Variants in VKORC1L1 observed in about 807,000 individuals in gnomAD.
The protein encoded by VKORC1L1 is vitamin K epoxide reductase complex subunit 1L1, also known as vitamin K epoxide reductase complex subunit 1-like protein 1.
In VKORC1L1, 2 loss-of-function variants were observed where a neutral mutation model predicts 18.9. The ratio of observed to expected loss-of-function variants is 0.11; its 90% confidence interval spans 0.04 to 0.33. The LOEUF (loss-of-function observed/expected upper bound fraction) is 0.33, where lower values mean the gene tolerates loss of function less well. VKORC1L1 is among the 10% of genes least tolerant of loss of function. The pLI is 1.00. For missense variants in VKORC1L1, 123 were observed against 224.1 expected, an observed-to-expected ratio of 0.55 and a Z score of 2.88; for synonymous variants, 96 against 100.0, an observed-to-expected ratio of 0.96 and a Z score of 0.24.
At chr7:65,917,857 G>A (rs772451382) in intron 1 of VKORC1L1, among the ~76,000 whole-genome samples, 10 of 152,132 alleles carry the variant, frequency 6.6e-5, no homozygotes, top group South Asian at 2.1e-4. Context: ...GAACATGTAC[G>A]CCTAAGTAAG....
Position 65,880,581 on chromosome 7 carries a change from G to C in VKORC1L1, c.194+7016G>C, listed in dbSNP as rs183850292. Among the ~76,000 whole-genome samples, 597 of 152,226 alleles carry C rather than the reference G, an allele frequency of 3.9e-3. 6 individuals carry two copies. The highest frequency in any genetic ancestry group is 0.013 in the African/African-American group (557 of 41,552). On this transcript the variant is annotated intron_variant, in intron 1 of 2. Transcript: ENST00000360768. ...AGCTTTTTCGGAGGGAGGCCTTGTC[G>C]TGTGGACCTGCTGCATATAAAGACA...
chr7:65,883,070 A>G (rs1447917495), intron 1 of VKORC1L1, among the ~76,000 whole-genome samples: 3 of 151,718 alleles, frequency 2.0e-5, no homozygotes, highest in Non-Finnish European at 4.4e-5. Context: ...CCAATCATCC[A>G]TAATTTAAAG....
At chr7:65,900,065 G>A (rs1418943272) in intron 1 of VKORC1L1, among the ~76,000 whole-genome samples, 3 of 72,486 alleles carry the variant, frequency 4.1e-5, no homozygotes, top group Non-Finnish European at 1.2e-4. Context: ...GTGTGTGTGT[G>A]TGTGTGTGTG....
At chr7:65,869,718 A>T (rs1224837697), upstream of VKORC1L1, among the ~76,000 whole-genome samples, 1 of 139,074 alleles carries the variant, frequency 7.2e-6, no homozygotes. Flanking sequence ...TGGCATGATC[A>T]TAGCTCACTG....
intron 1 of VKORC1L1, among the ~76,000 whole-genome samples, chr7:65,938,497 C>T (rs1789983507): frequency 6.6e-6 from 1 of 152,132 alleles, no homozygotes; most frequent in Non-Finnish European, 1.5e-5. Flanking sequence ...TTGAAAGAGC[C>T]CTTCACAGTG....
At chr7:65,874,411 T>G (rs539858975) in intron 1 of VKORC1L1, among the ~76,000 whole-genome samples, 1 of 151,766 alleles carries the variant, frequency 6.6e-6, no homozygotes, top group Non-Finnish European at 1.5e-5. Context: ...TTGGTCAGGC[T>G]GGTCTCGAAC....
intron 1 of VKORC1L1, among the ~76,000 whole-genome samples, chr7:65,875,653 G>A (rs1169570298): frequency 6.6e-6 from 1 of 151,290 alleles, no homozygotes; most frequent in Non-Finnish European, 1.5e-5. Context: ...TCCTGACCTC[G>A]TGATCCGCCC....
chr7:65,873,254 C>CGGT lies in VKORC1L1; in HGVS notation c.-112_-110dup, dbSNP rs1411354468. Reference sequence around the variant, plus strand: ...CAATGGGGCGCGGCGGCGGCGGCGGCGGTGGTGGCGGCGGCGGCGGAGGCG... The same window carrying CGGT: ...CAATGGGGCGCGGCGGCGGCGGCGGCGGTGGTGGTGGCGGCGGCGGCGGAGGCG... On this transcript the variant is annotated 5_prime_UTR_variant, in exon 1 of 3. Coordinates refer to ENST00000360768, the MANE Select transcript of VKORC1L1 (RefSeq NM_173517.6). The CGGT allele has an allele frequency of 2.6e-5, 23 of 888,930 alleles. No individual in the cohort carries two copies. The highest frequency in any genetic ancestry group is 6.4e-5 in the Admixed American group (1 of 15,606). The allele number at this position is 888,930 out of a possible 1,614,324, so 55.1% of individuals were successfully genotyped here.
At chr7:65,879,705 CTCTT>C (rs1158051454) in intron 1 of VKORC1L1, among the ~76,000 whole-genome samples, 1 of 151,448 alleles carries the variant, frequency 6.6e-6, no homozygotes, top group Non-Finnish European at 1.5e-5. Flanking sequence ...TTTCTTTTCT[CTCTT>C]TCTTTTCCTT....
intron 1 of VKORC1L1, among the ~76,000 whole-genome samples, chr7:65,920,146 T>G (rs963934188): frequency 6.6e-6 from 1 of 152,108 alleles, no homozygotes; most frequent in Non-Finnish European, 1.5e-5. Flanking sequence ...CAGCGAGGCC[T>G]CCTCACCTCA....
chr7:65,923,970 C>T (rs750857419), intron 1 of VKORC1L1, among the ~76,000 whole-genome samples: 17 of 152,240 alleles, frequency 1.1e-4, no homozygotes, highest in Admixed American at 2.6e-4. Flanking sequence ...CTAATGGGAT[C>T]GGTCTTGCTA....
chr7:65,909,690 TTGTGTGTGTGTGTGTG>T (rs56074368), intron 1 of VKORC1L1, among the ~76,000 whole-genome samples: 18 of 123,840 alleles, frequency 1.5e-4, no homozygotes, highest in Middle Eastern at 3.9e-3. Flanking sequence ...GTTTTAGCCT[TTGTGTGTGTGTGTGTG>T]TGTGTGTGTG....
intron 1 of VKORC1L1, among the ~76,000 whole-genome samples, chr7:65,873,948 C>T (rs1180659162): frequency 6.6e-6 from 1 of 151,996 alleles, no homozygotes; most frequent in East Asian, 1.9e-4. Context: ...GGGAGGCGGG[C>T]CGGGGGTGTG....
chr7:65,913,504 T>TCACTTGGATC (rs1789536227), intron 1 of VKORC1L1, among the ~76,000 whole-genome samples: 1 of 151,876 alleles, frequency 6.6e-6, no homozygotes, highest in Non-Finnish European at 1.5e-5. Flanking sequence ...GGCAGGTGGA[T>TCACTTGGATC]CACTTGAGGT....
chr7:65,925,151 A>T (rs1477273671), intron 1 of VKORC1L1, among the ~76,000 whole-genome samples: 1 of 152,178 alleles, frequency 6.6e-6, no homozygotes, highest in Non-Finnish European at 1.5e-5. Context: ...TGCTTATTGG[A>T]TGGAGTTATC....
intron 1 of VKORC1L1, among the ~76,000 whole-genome samples, chr7:65,929,670 A>ACG (rs1282698909): frequency 0.017 from 2,025 of 117,470 alleles, 77 homozygotes; most frequent in East Asian, 0.1. Flanking sequence ...GTGTGTGTGT[A>ACG]TGTGTGTGTG....
chr7:65,942,110 T>C (rs1364980324), intron 1 of VKORC1L1, among the ~76,000 whole-genome samples: 2 of 152,150 alleles, frequency 1.3e-5, no homozygotes, highest in African/African-American at 2.4e-5. Flanking sequence ...GGGACAGGAA[T>C]GGAGCAGACC....
chr7:65,923,750 C>T (rs1200371868), intron 1 of VKORC1L1, among the ~76,000 whole-genome samples: 3 of 151,970 alleles, frequency 2.0e-5, no homozygotes, highest in East Asian at 1.9e-4. Flanking sequence ...CAGGGAAGAG[C>T]GAAAGAAGGC....
At chr7:65,887,528 A>C (rs558621019) in intron 1 of VKORC1L1, among the ~76,000 whole-genome samples, 2 of 151,788 alleles carry the variant, frequency 1.3e-5, no homozygotes, top group East Asian at 3.9e-4. Context: ...CTAGATAATA[A>C]ACTTAAGCCT....
Sources: allele counts gnomAD v4.1 joint callset (sites outside exome capture counted in the v4.1 genomes callset), GRCh38; gene constraint gnomAD v4.1.1; transcripts MANE v1.5; gene names NCBI Gene and HGNC (gene_info 2026-07-23, HGNC 2026-07-21).